Variants in ZCCHC7 observed in about 807,000 individuals in gnomAD.
The protein encoded by ZCCHC7 is zinc finger CCHC domain-containing protein 7.
In ZCCHC7, 35 loss-of-function variants were observed where a neutral mutation model predicts 52.0. That is an observed-to-expected ratio of 0.67 (90% CI 0.51 to 0.89). The LOEUF (loss-of-function observed/expected upper bound fraction) is 0.89, where lower values mean the gene tolerates loss of function less well. Among genes scored for constraint, ZCCHC7 ranks in the 40% least tolerant of loss-of-function variants. The probability of loss-of-function intolerance (pLI) is 0.00; values close to 1 mark genes in which losing one functional copy is unlikely to be tolerated. For missense variants in ZCCHC7, 574 were observed against 649.1 expected, an observed-to-expected ratio of 0.88 and a Z score of 1.26; for synonymous variants, 217 against 221.5, an observed-to-expected ratio of 0.98 and a Z score of 0.18.
intron 6 of ZCCHC7, among the ~76,000 whole-genome samples, chr9:37,336,379 G>T (rs889400804): frequency 6.6e-6 from 1 of 152,098 alleles, no homozygotes; most frequent in Non-Finnish European, 1.5e-5. Context: ...GGAACATATT[G>T]TAAAAGCAAA....
chr9:37,164,922 G>A (rs1182637088), intron 2 of ZCCHC7, among the ~76,000 whole-genome samples: 1 of 152,178 alleles, frequency 6.6e-6, no homozygotes, highest in African/African-American at 2.4e-5. Flanking sequence ...GTGGTGGGGG[G>A]TGAATTGGGA....
intron 6 of ZCCHC7, among the ~76,000 whole-genome samples, chr9:37,338,299 T>C (rs930169909): frequency 6.6e-6 from 1 of 152,200 alleles, no homozygotes; most frequent in African/African-American, 2.4e-5. Flanking sequence ...GCATAGTGGT[T>C]AATGTTGTGA....
At chr9:37,272,691 G>A (rs534458406) in intron 2 of ZCCHC7, among the ~76,000 whole-genome samples, 67 of 151,668 alleles carry the variant, frequency 4.4e-4, no homozygotes, top group South Asian at 4.4e-3. Flanking sequence ...CTTCCCTCTC[G>A]TGTTCTTCAT....
At chr9:37,212,085 A>G (rs1478821537) in intron 2 of ZCCHC7, among the ~76,000 whole-genome samples, 2 of 145,018 alleles carry the variant, frequency 1.4e-5, no homozygotes, top group Non-Finnish European at 3.0e-5. Flanking sequence ...TGGCAAAATC[A>G]CTGGGGATGA....
chr9:37,254,688 C>T (rs1384041797), intron 2 of ZCCHC7, among the ~76,000 whole-genome samples: 1 of 151,976 alleles, frequency 6.6e-6, no homozygotes, highest in Non-Finnish European at 1.5e-5. Flanking sequence ...TGTGAAAGTA[C>T]ATACGAGTTG....
At chr9:37,140,371 A>T (rs1006528934) in intron 2 of ZCCHC7, among the ~76,000 whole-genome samples, 1 of 152,040 alleles carries the variant, frequency 6.6e-6, no homozygotes, top group African/African-American at 2.4e-5. Context: ...TTAAAAAATG[A>T]TACAAATTTT....
intron 2 of ZCCHC7, among the ~76,000 whole-genome samples, chr9:37,297,754 A>G (rs1488726205): frequency 1.3e-5 from 2 of 152,220 alleles, no homozygotes; most frequent in African/African-American, 2.4e-5. Flanking sequence ...CTTTGGAAAT[A>G]CATTTTACTA....
intron 2 of ZCCHC7, among the ~76,000 whole-genome samples, chr9:37,280,578 C>A (rs1488841386): frequency 6.6e-6 from 1 of 150,916 alleles, no homozygotes; most frequent in African/African-American, 2.4e-5. Context: ...CTGGAAAGTT[C>A]TCTGATCACA....
chr9:37,221,037 C>CGG (rs1564187306), intron 2 of ZCCHC7, among the ~76,000 whole-genome samples: 1 of 152,124 alleles, frequency 6.6e-6, no homozygotes, highest in Non-Finnish European at 1.5e-5. Flanking sequence ...GAGACAAACG[C>CGG]GGCGTTGCCT....
At chr9:37,211,258 A>T (rs1260298468) in intron 2 of ZCCHC7, among the ~76,000 whole-genome samples, 1 of 152,186 alleles carries the variant, frequency 6.6e-6, no homozygotes, top group African/African-American at 2.4e-5. Context: ...AAAGTCTTGA[A>T]TTGGGTCATA....
At chr9:37,172,851 TGAGC>T (rs2132990180) in intron 2 of ZCCHC7, among the ~76,000 whole-genome samples, 2 of 150,612 alleles carry the variant, frequency 1.3e-5, no homozygotes, top group East Asian at 3.9e-4. Context: ...AGTAGGGACT[TGAGC>T]GAGCAACATG....
rs542986841 is a variant in ZCCHC7 at position 37,304,992 on chromosome 9, G to A, written c.781-552G>A. ...TATCGTTAGAAAATTATAATTTGGG[G>A]CATTTTTAAATGTTTATTAATGTAA... is the stretch of plus-strand genomic sequence containing the variant. On this transcript the variant is annotated intron_variant, in intron 4 of 8. Coordinates refer to ENST00000336755, the MANE Select transcript of ZCCHC7 (RefSeq NM_032226.3). 1.7e-4 allele frequency among the ~76,000 whole-genome samples: 26 copies of A among 152,198 alleles called. 1 individual carries two copies. In the South Asian group the frequency reaches 5.2e-3, roughly 30 times the overall value.
In ZCCHC7 at chr9:37,349,597, C is replaced by T; in HGVS notation, c.1083+145C>T. 3 of 722,724 alleles carry T rather than the reference C, an allele frequency of 4.2e-6. No individual in the cohort carries two copies. In the South Asian group the frequency reaches 6.0e-5, roughly 14 times the overall value. The allele number at this position is 722,724 out of a possible 1,614,324, so 44.8% of individuals were successfully genotyped here. On this transcript the variant is annotated intron_variant, in intron 7 of 8. Coordinates refer to ENST00000336755, the MANE Select transcript of ZCCHC7 (RefSeq NM_032226.3). ...CTTAATATATTTTCAACTGGTTTACCCCTCCCCTCCCTGCTAGAGTAACAA... is the reference window on the plus strand; with the variant it reads ...CTTAATATATTTTCAACTGGTTTACTCCTCCCCTCCCTGCTAGAGTAACAA...
At chr9:37,289,866 A>G (rs2133621064) in intron 2 of ZCCHC7, among the ~76,000 whole-genome samples, 1 of 152,314 alleles carries the variant, frequency 6.6e-6, no homozygotes, top group Non-Finnish European at 1.5e-5. Flanking sequence ...TTTTGCCTTA[A>G]GAACTTTGCT....
At chr9:37,276,805 C>G (rs1172450051) in intron 2 of ZCCHC7, among the ~76,000 whole-genome samples, 3 of 152,054 alleles carry the variant, frequency 2.0e-5, no homozygotes, top group East Asian at 3.9e-4. Flanking sequence ...AATATGGGAT[C>G]CTTGTATAAT....
intron 2 of ZCCHC7, among the ~76,000 whole-genome samples, chr9:37,224,757 A>C (rs2133280171): frequency 6.6e-6 from 1 of 152,334 alleles, no homozygotes; most frequent in South Asian, 2.1e-4. Context: ...GCATCAGGAC[A>C]GAAGTGATGA....
intron 2 of ZCCHC7, among the ~76,000 whole-genome samples, chr9:37,191,523 T>A (rs1823021598): frequency 6.6e-6 from 1 of 152,142 alleles, no homozygotes; most frequent in African/African-American, 2.4e-5. Flanking sequence ...TGGATAGGAT[T>A]TATGTAGGGG....
chr9:37,140,736 T>TAA (rs1006599121), intron 2 of ZCCHC7, among the ~76,000 whole-genome samples: 1 of 151,994 alleles, frequency 6.6e-6, no homozygotes, highest in African/African-American at 2.4e-5. Flanking sequence ...CTTTGGTGTA[T>TAA]AATTATGTAC....
At chr9:37,298,320 T>G (rs895452810) in intron 2 of ZCCHC7, among the ~76,000 whole-genome samples, 7 of 152,142 alleles carry the variant, frequency 4.6e-5, no homozygotes, top group African/African-American at 1.7e-4. Context: ...AGGCCCAACC[T>G]CCAACATTGG....
Sources: allele counts gnomAD v4.1 joint callset (sites outside exome capture counted in the v4.1 genomes callset), GRCh38; gene constraint gnomAD v4.1.1; transcripts MANE v1.5; gene names NCBI Gene and HGNC (gene_info 2026-07-23, HGNC 2026-07-21).